MROH1: variants seen among roughly 807,000 people sequenced by gnomAD.
The protein encoded by MROH1 is maestro heat like repeat family member 1.
Under a neutral mutation model 116.5 loss-of-function variants are expected in MROH1, and 117 were observed. That is an observed-to-expected ratio of 1.00 (90% CI 0.86 to 1.17). The LOEUF (loss-of-function observed/expected upper bound fraction) is 1.17, where lower values mean the gene tolerates loss of function less well. Among genes scored for constraint, MROH1 ranks in the 50% most tolerant of loss-of-function variants. MROH1 has a pLI of 0.00. For missense variants in MROH1, 1,873 were observed against 1,338.5 expected, an observed-to-expected ratio of 1.40 and a Z score of -6.23; for synonymous variants, 921 against 583.9, an observed-to-expected ratio of 1.58 and a Z score of -8.32.
At chr8:144,254,665 G>A in intron 33 of MROH1, 148 bp from the exon 34 acceptor site, 2 of 603,754 alleles carry the variant, frequency 3.3e-6, no homozygotes, top group Non-Finnish European at 5.9e-6. Context: ...TCAGATCTGA[G>A]GCCAAGAGGC....
intron 7 of MROH1, among the ~76,000 whole-genome samples, chr8:144,188,054 C>T (rs1001211828): frequency 1.1e-4 from 16 of 152,216 alleles, no homozygotes; most frequent in Non-Finnish European, 2.1e-4. Flanking sequence ...CGGCGAGCCT[C>T]GCAGGACTGT....
intron 12 of MROH1, among the ~76,000 whole-genome samples, chr8:144,206,150 A>G (rs1230283104): frequency 6.6e-6 from 1 of 152,150 alleles, no homozygotes; most frequent in East Asian, 1.9e-4. Flanking sequence ...CACGGGTTCA[A>G]GGGATCTTCC....
At chr8:144,237,033 G>A (rs1840158605) in intron 14 of MROH1, among the ~76,000 whole-genome samples, 2 of 149,586 alleles carry the variant, frequency 1.3e-5, no homozygotes, top group African/African-American at 4.9e-5. Context: ...AGCCTCCCGA[G>A]TAGCTGGGAC....
intron 1 of MROH1, among the ~76,000 whole-genome samples, chr8:144,160,058 C>T (rs533894582): frequency 1.4e-4 from 22 of 152,202 alleles, no homozygotes; most frequent in African/African-American, 4.3e-4. Flanking sequence ...CGTGAGCCAC[C>T]GCGCCCGGCC....
intron 8 of MROH1, 135 bp downstream of exon 8, chr8:144,191,070 A>G (rs966257645): frequency 8.3e-6 from 8 of 960,622 alleles, no homozygotes; most frequent in Admixed American, 2.9e-5. Flanking sequence ...GAGGTGGCTC[A>G]CCTTTATTTA....
intron 25 of MROH1, 40 bp from the exon 26 acceptor site, chr8:144,243,823 G>A (rs972324831): frequency 3.3e-5 from 25 of 763,298 alleles, no homozygotes; most frequent in East Asian, 9.9e-5. Context: ...GAGAGCTGGC[G>A]TTTCCTCCAA....
At chr8:144,154,630 A>G (rs1817607998) in intron 1 of MROH1, among the ~76,000 whole-genome samples, 1 of 151,030 alleles carries the variant, frequency 6.6e-6, no homozygotes, top group Non-Finnish European at 1.5e-5. Flanking sequence ...TATGTGCTAC[A>G]CTTAATTCTG....
In MROH1 at chr8:144,163,846, A is replaced by C. The variant is rs1222212040; in HGVS notation, c.20A>C (p.Lys7Thr). Residue 7 changes from lysine (K) to threonine (T), a missense_variant and splice_region_variant, in exon 3 of 44, where the codon AAG (lysine) becomes ACG (threonine). By Grantham distance (78) the Lys-to-Thr change is moderately conservative. Transcript: ENST00000326134. The surrounding 1 kb of genome is among the most constrained non-coding windows in gnomAD (Gnocchi z 4.4). ...ACAGACATGACTGAGTCCTCCATGAAGAGTGAGTGCATGGGGATTGGGAGT... is the reference window on the plus strand; with the variant it reads ...ACAGACATGACTGAGTCCTCCATGACGAGTGAGTGCATGGGGATTGGGAGT... MTESSM[K>T]KLASTLLDAI... 1 of 1,613,730 alleles carries C rather than the reference A, an allele frequency of 6.2e-7. No homozygotes were observed. The highest frequency in any genetic ancestry group is 2.2e-5 in the East Asian group (1 of 44,866).
rs928879397 is a variant in MROH1 at position 144,182,715 on chromosome 8, C to G, written c.562+2192C>G. ...TGAACTAGCAGGCTGAACCCTGAAG[C>G]CAGCATTCCAATCAGAGGCACCCTA... On this transcript the variant is annotated intron_variant, in intron 7 of 43. Transcript: ENST00000326134. The surrounding 1 kb of genome is among the most constrained non-coding windows in gnomAD (Gnocchi z 4.1). Among the ~76,000 whole-genome samples the G allele has an allele frequency of 6.6e-6, 1 of 152,214 alleles. No homozygotes were observed. The highest frequency in any genetic ancestry group is 1.9e-4 in the East Asian group (1 of 5,184).
chr8:144,202,529 G>C (rs1388256254), intron 12 of MROH1, among the ~76,000 whole-genome samples: 1 of 146,442 alleles, frequency 6.8e-6, no homozygotes, highest in Non-Finnish European at 1.5e-5. Flanking sequence ...TGGAGGGGTT[G>C]GGAGGGCAGC....
At position 144,255,681 on chromosome 8, in the gene MROH1, C is replaced by G; in HGVS notation, c.3767C>G (p.Ala1256Gly). Reference protein sequence around the residue: ...QERRGASPALATRNLEPCSSA... With the variant: ...QERRGASPALGTRNLEPCSSA... ...AGGAGGGGTGCCAGTCCAGCCCTAG[C>G]CACCAGGAACCTGGAACCCTGCAGG... The change falls in exon 35 of 44, where the codon GCC becomes GGC. Residue 1256 changes from alanine to glycine, a missense_variant. Ala to Gly is a moderately conservative substitution (Grantham distance 60). Coordinates refer to ENST00000326134, the MANE Select transcript of MROH1 (RefSeq NM_032450.3). The G allele has an allele frequency of 1.3e-6, 1 of 762,606 alleles. No homozygotes were observed. Among genetic ancestry groups the G allele is most frequent in the Middle Eastern group, 2.4e-4 (1 of 4,164 alleles). 47.2% of individuals were successfully genotyped at this position (762,606 alleles called of 1,614,324 possible).
chr8:144,215,760 C>G (rs948163617), intron 12 of MROH1, among the ~76,000 whole-genome samples: 1 of 151,506 alleles, frequency 6.6e-6, no homozygotes, highest in Non-Finnish European at 1.5e-5. Flanking sequence ...GTAGTCCCAG[C>G]TACTCGGGAG....
At chr8:144,224,929 TAAGGTTTTTGGAGAAACATGAGTTA>T (rs528806026) in intron 14 of MROH1, among the ~76,000 whole-genome samples, 1 of 152,164 alleles carries the variant, frequency 6.6e-6, no homozygotes, top group Non-Finnish European at 1.5e-5. Context: ...GATTCCCCTT[TAAGGTTTTTGGAGAAACATGAGTTA>T]AAGATTAGAA....
chr8:144,259,836 T>C, intron 37 of MROH1, 75 bp from the exon 38 acceptor site: 1 of 711,398 alleles, frequency 1.4e-6, no homozygotes, highest in South Asian at 1.5e-5. Context: ...CAGCCTCTGG[T>C]GTTCTGGGCC....
chr8:144,236,286 G>T (rs1396470122), intron 14 of MROH1, among the ~76,000 whole-genome samples: 3 of 152,306 alleles, frequency 2.0e-5, no homozygotes, highest in South Asian at 4.1e-4. Context: ...CATATCGGGG[G>T]TCCTAGTGTT....
At chr8:144,222,400 G>A (rs887395551) in intron 13 of MROH1, among the ~76,000 whole-genome samples, 2 of 152,148 alleles carry the variant, frequency 1.3e-5, no homozygotes, top group Non-Finnish European at 2.9e-5. Flanking sequence ...CTTCCCTACG[G>A]ACCTGAGCAC....
chr8:144,168,050 A>C (rs1457650690), intron 3 of MROH1, among the ~76,000 whole-genome samples: 4 of 152,152 alleles, frequency 2.6e-5, no homozygotes, highest in African/African-American at 9.7e-5. Flanking sequence ...CTGGCCAGGC[A>C]GCTCCTCAGG....
At chr8:144,152,648 G>A (rs2130528716) in intron 1 of MROH1, among the ~76,000 whole-genome samples, 1 of 152,120 alleles carries the variant, frequency 6.6e-6, no homozygotes, top group South Asian at 2.1e-4. Flanking sequence ...CTGGGTTCAT[G>A]CCATTCTCCT....
intron 1 of MROH1, among the ~76,000 whole-genome samples, chr8:144,150,065 C>G (rs905216309): frequency 2.0e-5 from 3 of 152,106 alleles, no homozygotes; most frequent in African/African-American, 7.2e-5. Context: ...TGCTTCTGGG[C>G]TATTGATTCC....
Sources: allele counts gnomAD v4.1 joint callset (sites outside exome capture counted in the v4.1 genomes callset), GRCh38; gene constraint gnomAD v4.1.1; non-coding constraint Gnocchi (gnomAD v3.1); transcripts MANE v1.5; gene names NCBI Gene and HGNC (gene_info 2026-07-23, HGNC 2026-07-21).